The following PGCKA1 variants were observed in gnomAD, a reference collection of about 807,000 sequenced individuals.
The protein encoded by PGCKA1 is PDCD10 and GCKIII kinases associated 1, also known as PDCD10 and GCKIII kinases-associated protein 1.
chr4:37,467,387 A>C, the PGCKA1 span, among the ~76,000 whole-genome samples: 1 of 152,190 alleles, frequency 6.6e-6, no homozygotes, highest in Admixed American at 6.5e-5. Flanking sequence ...TGCAACTCTC[A>C]TGTTTACTTT....
the PGCKA1 span, among the ~76,000 whole-genome samples, chr4:37,512,959 ACG>A: frequency 6.6e-6 from 1 of 152,050 alleles, no homozygotes. Context: ...GTAGTGGCAC[ACG>A]CCTGTAATCC....
the PGCKA1 span, among the ~76,000 whole-genome samples, chr4:37,585,813 T>C: frequency 6.7e-6 from 1 of 148,782 alleles, no homozygotes. Context: ...ATGTTACACA[T>C]GTGTACACAG....
At chr4:37,526,359 C>G in the PGCKA1 span, among the ~76,000 whole-genome samples, 10 of 152,178 alleles carry the variant, frequency 6.6e-5, no homozygotes, top group Admixed American at 6.5e-4. Flanking sequence ...ACCTTACAAA[C>G]ACTTGGCCCG....
chr4:37,466,880 C>T, the PGCKA1 span, among the ~76,000 whole-genome samples: 1 of 152,142 alleles, frequency 6.6e-6, no homozygotes, highest in South Asian at 2.1e-4. Flanking sequence ...GGCAGATCAC[C>T]TGAGTTCAGA....
the PGCKA1 span, among the ~76,000 whole-genome samples, chr4:37,478,150 C>CCG: frequency 2.6e-5 from 3 of 113,914 alleles, 1 homozygote; most frequent in African/African-American, 8.9e-5. Context: ...ACACCCCCCC[C>CCG]CACCGCCACT....
At chr4:37,583,904 A>G in the PGCKA1 span, among the ~76,000 whole-genome samples, 1 of 152,226 alleles carries the variant, frequency 6.6e-6, no homozygotes, top group African/African-American at 2.4e-5. Flanking sequence ...GTACCCAACA[A>G]CTGAATTCTT....
At chr4:37,580,624 T>A in the PGCKA1 span, among the ~76,000 whole-genome samples, 7 of 152,356 alleles carry the variant, frequency 4.6e-5, no homozygotes, top group East Asian at 1.2e-3. Flanking sequence ...TCTCTCTCTG[T>A]ACTGAGCCAC....
chr4:37,497,239 C>A, the PGCKA1 span, among the ~76,000 whole-genome samples: 1 of 152,082 alleles, frequency 6.6e-6, no homozygotes, highest in South Asian at 2.1e-4. Context: ...CAGTCTCATC[C>A]AGGTCATCAC....
the PGCKA1 span, among the ~76,000 whole-genome samples, chr4:37,566,871 C>T: frequency 6.6e-6 from 1 of 152,162 alleles, no homozygotes; most frequent in Admixed American, 6.5e-5. Flanking sequence ...TGTGAGCCAC[C>T]GCGCCTGGTC....
chr4:37,566,583 G>A, the PGCKA1 span, among the ~76,000 whole-genome samples: 1 of 149,684 alleles, frequency 6.7e-6, no homozygotes, highest in Non-Finnish European at 1.5e-5. Context: ...TGTTTCTGAG[G>A]CTTTTTATTT....
At chr4:37,509,064 C>T in the PGCKA1 span, among the ~76,000 whole-genome samples, 4 of 151,048 alleles carry the variant, frequency 2.6e-5, no homozygotes, top group African/African-American at 9.8e-5. Context: ...AATGGAGTCT[C>T]CTATGTCTAC....
the PGCKA1 span, among the ~76,000 whole-genome samples, chr4:37,592,110 A>G: frequency 6.6e-6 from 1 of 150,788 alleles, no homozygotes. Flanking sequence ...TGGGAGGCTG[A>G]GGCAAGGAGA....
At chr4:37,469,910 G>A in the PGCKA1 span, among the ~76,000 whole-genome samples, 1 of 152,138 alleles carries the variant, frequency 6.6e-6, no homozygotes, top group Non-Finnish European at 1.5e-5. Flanking sequence ...CCACAAGAAC[G>A]CTGATCATAT....
the PGCKA1 span, among the ~76,000 whole-genome samples, chr4:37,510,555 C>A: frequency 6.6e-6 from 1 of 152,086 alleles, no homozygotes; most frequent in Non-Finnish European, 1.5e-5. Flanking sequence ...TTCTCCCAAA[C>A]AAATGGAGTC....
the PGCKA1 span, among the ~76,000 whole-genome samples, chr4:37,569,979 C>CTTTTT: frequency 3.2e-4 from 38 of 119,258 alleles, no homozygotes; most frequent in South Asian, 5.3e-4. Flanking sequence ...GCATATAATC[C>CTTTTT]TTTTTTTTTT....
the PGCKA1 span, among the ~76,000 whole-genome samples, chr4:37,497,398 G>A: frequency 1.5e-4 from 23 of 152,198 alleles, no homozygotes; most frequent in East Asian, 2.9e-3. Flanking sequence ...ATAAACATGC[G>A]TGTGCAAGTA....
chr4:37,478,150 C>T, the PGCKA1 span, among the ~76,000 whole-genome samples: 6 of 113,914 alleles, frequency 5.3e-5, 1 homozygote, highest in African/African-American at 8.9e-5. Context: ...ACACCCCCCC[C>T]CACCGCCACT....
the PGCKA1 span, among the ~76,000 whole-genome samples, chr4:37,551,484 C>T: frequency 1.3e-5 from 2 of 152,174 alleles, no homozygotes; most frequent in Non-Finnish European, 2.9e-5. Context: ...CAAACCTTGA[C>T]TATTCTGGCC....
chr4:37,464,604 G>A, the PGCKA1 span, among the ~76,000 whole-genome samples: 1 of 152,166 alleles, frequency 6.6e-6, no homozygotes, highest in Non-Finnish European at 1.5e-5. Flanking sequence ...TGAGGGAGGG[G>A]CTCAAACTAC....
Sources: allele counts gnomAD v4.1 joint callset (sites outside exome capture counted in the v4.1 genomes callset), GRCh38; gene constraint gnomAD v4.1.1; transcripts MANE v1.5; gene names NCBI Gene and HGNC (gene_info 2026-07-23, HGNC 2026-07-21).